The following B4GALT1 variants were observed in gnomAD, a reference collection of about 807,000 sequenced individuals.
The protein encoded by B4GALT1 is N-acetyllactosamine synthase.
Under a neutral mutation model 34.9 loss-of-function variants are expected in B4GALT1, and 16 were observed. The ratio of observed to expected loss-of-function variants is 0.46; its 90% confidence interval spans 0.31 to 0.70. The LOEUF (loss-of-function observed/expected upper bound fraction) is 0.70, where lower values mean the gene tolerates loss of function less well. Ranked by LOEUF, B4GALT1 falls within the 30% of genes least tolerant of loss-of-function variation. The probability of loss-of-function intolerance (pLI) is 0.05; values close to 1 mark genes in which losing one functional copy is unlikely to be tolerated. For synonymous variants in B4GALT1, 221 were observed against 218.1 expected, an observed-to-expected ratio of 1.01 and a Z score of -0.12; for missense variants, 445 against 530.5, an observed-to-expected ratio of 0.84 and a Z score of 1.58.
chr9:33,129,958 T>G (rs1840169913), intron 2 of B4GALT1, among the ~76,000 whole-genome samples: 1 of 152,060 alleles, frequency 6.6e-6, no homozygotes, highest in Admixed American at 6.5e-5. Context: ...TTCCGACCAT[T>G]TAGACCGTTG....
At chr9:33,146,952 C>T (rs1382933612) in intron 1 of B4GALT1, among the ~76,000 whole-genome samples, 1 of 152,208 alleles carries the variant, frequency 6.6e-6, no homozygotes, top group African/African-American at 2.4e-5. Context: ...CCACCCGCCT[C>T]AGCCTCCCAA....
At chr9:33,171,896 G>C (rs566449703), upstream of B4GALT1, among the ~76,000 whole-genome samples, 1 of 152,216 alleles carries the variant, frequency 6.6e-6, no homozygotes, top group Admixed American at 6.5e-5. Context: ...GAATTGTCAG[G>C]CACCTTTATT....
intron 1 of B4GALT1, among the ~76,000 whole-genome samples, chr9:33,140,648 T>C (rs1840335464): frequency 6.6e-6 from 1 of 152,242 alleles, no homozygotes. Context: ...GCTGGGATAC[T>C]GGAATTTCTT....
intron 2 of B4GALT1, among the ~76,000 whole-genome samples, chr9:33,128,656 C>A (rs1225258150): frequency 6.6e-6 from 1 of 152,208 alleles, no homozygotes; most frequent in Non-Finnish European, 1.5e-5. Context: ...CCAGCCCTAC[C>A]CCACTCCTCC....
At chr9:33,134,123 A>T (rs1053417526) in intron 2 of B4GALT1, among the ~76,000 whole-genome samples, 10 of 152,064 alleles carry the variant, frequency 6.6e-5, no homozygotes, top group African/African-American at 2.2e-4. Flanking sequence ...CAGGACTGAG[A>T]CCTTACACTT....
chr9:33,148,461 C>T (rs978985239), intron 1 of B4GALT1, among the ~76,000 whole-genome samples: 24 of 152,140 alleles, frequency 1.6e-4, no homozygotes, highest in Admixed American at 6.5e-5. Flanking sequence ...CATGCTCACA[C>T]GTTGCCCATA....
chr9:33,117,239 T>G (rs1235378129), intron 3 of B4GALT1, among the ~76,000 whole-genome samples: 1 of 152,250 alleles, frequency 6.6e-6, no homozygotes, highest in East Asian at 1.9e-4. Context: ...GTTGAGGCAG[T>G]GTTTCTGAAA....
chr9:33,159,952 G>C (rs1840651402), intron 1 of B4GALT1, among the ~76,000 whole-genome samples: 1 of 152,224 alleles, frequency 6.6e-6, no homozygotes, highest in Non-Finnish European at 1.5e-5. Flanking sequence ...GCAGATTTCT[G>C]CTCAGCCAGA....
chr9:33,181,462 A>AG, the B4GALT1 span, among the ~76,000 whole-genome samples: 1 of 151,978 alleles, frequency 6.6e-6, no homozygotes. Flanking sequence ...ACACACACAA[A>AG]CTATTCTTAG....
upstream of B4GALT1, chr9:33,167,383 C>G (rs1840784102): frequency 4.0e-6 from 2 of 504,920 alleles, no homozygotes; most frequent in East Asian, 3.8e-5. Context: ...GGGGCGGGGC[C>G]CCGGCGAAGG....
intron 1 of B4GALT1, among the ~76,000 whole-genome samples, chr9:33,145,140 A>G (rs1564048790): frequency 1.3e-5 from 2 of 152,138 alleles, no homozygotes; most frequent in South Asian, 2.1e-4. Context: ...AGTCTGCCAC[A>G]TGAGGCCTTT....
chr9:33,137,892 G>T (rs1156834820), intron 1 of B4GALT1, among the ~76,000 whole-genome samples: 1 of 152,166 alleles, frequency 6.6e-6, no homozygotes, highest in East Asian at 1.9e-4. Flanking sequence ...TACTGGGGGG[G>T]CCCTGCTGCA....
rs145457814 is a variant in B4GALT1, at chr9:33,149,061, C to T, written c.413-13637G>A. Among the ~76,000 whole-genome samples the T allele has an allele frequency of 5.1e-3, 778 of 151,826 alleles. 7 individuals carry two copies. Among genetic ancestry groups the T allele is most frequent in the African/African-American group, 0.018 (732 of 41,404 alleles). On this transcript the variant is annotated intron_variant, in intron 1 of 5. Transcript: ENST00000379731. ...GTAAGCTCTTCCTTATAGAAGAATGCCAAAATTAACAAACATAGAAGGAAT... is the reference window on the plus strand; with the variant it reads ...GTAAGCTCTTCCTTATAGAAGAATGTCAAAATTAACAAACATAGAAGGAAT...
intron 3 of B4GALT1, among the ~76,000 whole-genome samples, chr9:33,118,986 C>T (rs1245627457): frequency 4.6e-5 from 7 of 152,102 alleles, no homozygotes; most frequent in Middle Eastern, 3.2e-3. Flanking sequence ...CTCAGCTTCC[C>T]GAGTAGCTGG....
At chr9:33,109,016 G>A (rs72504011), downstream of B4GALT1, among the ~76,000 whole-genome samples, 2,629 of 152,186 alleles carry the variant, frequency 0.017, 67 homozygotes, top group East Asian at 0.11. Context: ...GGAATTTCCC[G>A]GGTGATAGGA....
At position 33,120,408 on chromosome 9, in the gene B4GALT1, G is replaced by A; in HGVS notation, c.836+11C>T. ...CATGTTTACCACAGATTCTGACTGA[G>A]TATCTCTTACCTGAATCCAAACTTA... is the stretch of plus-strand genomic sequence containing the variant. On this transcript the variant is annotated intron_variant, in intron 3 of 5. Transcript: ENST00000379731. 2 of 1,612,352 alleles carry A rather than the reference G, an allele frequency of 1.2e-6. No homozygotes were observed. The highest frequency in any genetic ancestry group is 1.7e-6 in the Non-Finnish European group (2 of 1,179,816).
intron 1 of B4GALT1, among the ~76,000 whole-genome samples, chr9:33,136,091 G>A (rs1029148920): frequency 6.6e-6 from 1 of 152,058 alleles, no homozygotes; most frequent in South Asian, 2.1e-4. Flanking sequence ...AAAGGAGACC[G>A]AGGGAAAATA....
At chr9:33,147,811 T>C (rs1443342824) in intron 1 of B4GALT1, among the ~76,000 whole-genome samples, 1 of 152,154 alleles carries the variant, frequency 6.6e-6, no homozygotes, top group African/African-American at 2.4e-5. Flanking sequence ...GGTGGAAAGA[T>C]TGCTTGAGGC....
intron 1 of B4GALT1, among the ~76,000 whole-genome samples, chr9:33,149,974 T>C (rs1840486395): frequency 6.6e-6 from 1 of 152,222 alleles, no homozygotes; most frequent in Non-Finnish European, 1.5e-5. Flanking sequence ...TTGGGGCACC[T>C]GACAAAGTCT....
Sources: allele counts gnomAD v4.1 joint callset (sites outside exome capture counted in the v4.1 genomes callset), GRCh38; gene constraint gnomAD v4.1.1; transcripts MANE v1.5; gene names NCBI Gene and HGNC (gene_info 2026-07-23, HGNC 2026-07-21).